Variants in CHMP2B observed in about 807,000 individuals in gnomAD.
The protein encoded by CHMP2B is charged multivesicular body protein 2B.
In CHMP2B, 22 loss-of-function variants were observed where a neutral mutation model predicts 29.8. The ratio of observed to expected loss-of-function variants is 0.74; its 90% CI spans 0.53 to 1.05. The LOEUF (loss-of-function observed/expected upper bound fraction) is 1.05. Ranked by LOEUF, CHMP2B falls within the 50% of genes least tolerant of loss-of-function variation. CHMP2B has a pLI of 0.00. For synonymous variants in CHMP2B, 78 were observed against 75.8 expected (o/e 1.03, Z -0.15); for missense variants, 261 against 252.2 (o/e 1.03, Z -0.24).
At chr3:87,227,705 T>C in intron 1 of CHMP2B, 149 bp downstream of exon 1, 1 of 1,011,594 alleles carries the variant, frequency 9.9e-7, no homozygotes. Flanking sequence ...ACCACTTCTC[T>C]GCCTCCCTCT....
At chr3:87,244,876 T>C (rs981747313) in intron 2 of CHMP2B, among the ~76,000 whole-genome samples, 2 of 152,234 alleles carry the variant, frequency 1.3e-5, no homozygotes, top group African/African-American at 4.8e-5. Context: ...GCAGATTTTC[T>C]GTCTACTTGT....
intron 1 of CHMP2B, chr3:87,240,365 C>T: frequency 5.2e-6 from 1 of 192,212 alleles, no homozygotes; most frequent in East Asian, 1.2e-4. Context: ...TGCTGGAGTG[C>T]AATGGCATGA....
Position 87,245,780 on chromosome 3 carries a change from C to T in CHMP2B, c.193C>T (p.Leu65Phe). The change falls in exon 3 of 6, where the codon CTT becomes TTT. Residue 65 changes from leucine (L) to phenylalanine (F), a missense_variant. Transcript: ENST00000263780. Reference sequence around the variant, plus strand: ...AGCTTGCAAAGTTTTAGCCAAACAACTTGTGCATCTACGGAAACAGAAGAC... The same window carrying T: ...AGCTTGCAAAGTTTTAGCCAAACAATTTGTGCATCTACGGAAACAGAAGAC... ...KEACKVLAKQ[L>F]VHLRKQKTRT... 1 of 1,613,828 alleles carries T rather than the reference C, an allele frequency of 6.2e-7. No homozygotes were observed.
intron 2 of CHMP2B, among the ~76,000 whole-genome samples, chr3:87,243,844 C>T (rs1276230762): frequency 6.6e-6 from 1 of 151,534 alleles, no homozygotes; most frequent in East Asian, 1.9e-4. Flanking sequence ...TTTGCATTCT[C>T]GGTATTTGTA....
chr3:87,253,421 GAC>G lies in CHMP2B; in HGVS notation c.444_445del (p.Ile149LeufsTer2), dbSNP rs942317217. 1 of 1,606,506 alleles carries G rather than the reference GAC, an allele frequency of 6.2e-7. No homozygotes were observed. ...TCCCCTAGTCAATGATACACTTGAT[GAC>G]ATCTTTGACGGTTCTGATGACGAAG... ...TEEMINDTLD[D>X]IFDGSDDEEE... On this transcript the variant is annotated frameshift_variant, in exon 5 of 6. Transcript: ENST00000263780. LOFTEE classifies it high-confidence loss of function.
chr3:87,233,427 T>G (rs1705940791), intron 1 of CHMP2B, among the ~76,000 whole-genome samples: 1 of 152,206 alleles, frequency 6.6e-6, no homozygotes, highest in African/African-American at 2.4e-5. Context: ...TGCCTTAGCT[T>G]TTGAGTTTGT....
At chr3:87,250,607 A>T (rs931447070) in intron 4 of CHMP2B, among the ~76,000 whole-genome samples, 1 of 151,972 alleles carries the variant, frequency 6.6e-6, no homozygotes, top group Non-Finnish European at 1.5e-5. Flanking sequence ...ACATAAGCAG[A>T]TACTCATGAC....
chr3:87,227,688 T>G, intron 1 of CHMP2B, 132 bp downstream of exon 1: 1 of 1,140,114 alleles, frequency 8.8e-7, no homozygotes, highest in South Asian at 1.2e-5. Context: ...GTGACCGCCC[T>G]CGCGGCACCA....
Position 87,253,286 on chromosome 3 carries a change from G to A in CHMP2B, c.425-118G>A, listed in dbSNP as rs747409983. ...ACATTTTGAAGGATTTTTTTAGTTTGTTCACTGAGTTTGCCTTCTGTAATA... is the reference window on the plus strand; with the variant it reads ...ACATTTTGAAGGATTTTTTTAGTTTATTCACTGAGTTTGCCTTCTGTAATA... On this transcript the variant is annotated intron_variant, in intron 4 of 5. Coordinates refer to ENST00000263780, the MANE Select transcript of CHMP2B (RefSeq NM_014043.4). The A allele has an allele frequency of 2.2e-4, 154 of 691,804 alleles. 1 individual carries two copies. The South Asian group carries it at 2.4e-3, about 11-fold the overall frequency. The allele number at this position is 691,804 out of a possible 1,614,324, so 42.9% of individuals were successfully genotyped here. A position where few individuals can be genotyped will look rare whatever the true frequency, so the allele number is the denominator to read the frequency against.
At chr3:87,232,386 T>G (rs1011009919) in intron 1 of CHMP2B, among the ~76,000 whole-genome samples, 1 of 152,194 alleles carries the variant, frequency 6.6e-6, no homozygotes, top group African/African-American at 2.4e-5. Context: ...ACTATTCTCA[T>G]GGTGGTACCT....
At chr3:87,253,645 C>T in intron 5 of CHMP2B, 67 bp from the exon 6 acceptor site, 1 of 1,405,724 alleles carries the variant, frequency 7.1e-7, no homozygotes, top group Non-Finnish European at 1.0e-6. Context: ...CTCTTTACAG[C>T]ACATCCTGTA....
intron 1 of CHMP2B, among the ~76,000 whole-genome samples, chr3:87,231,517 G>A (rs957944019): frequency 2.6e-5 from 4 of 152,086 alleles, no homozygotes; most frequent in Non-Finnish European, 5.9e-5. Context: ...GTATGTGATT[G>A]AAACTTGAAC....
chr3:87,243,391 TTTTG>T (rs1027554464), intron 2 of CHMP2B, among the ~76,000 whole-genome samples: 12 of 152,184 alleles, frequency 7.9e-5, no homozygotes, highest in Middle Eastern at 3.4e-3. Flanking sequence ...GGTGGGTTTT[TTTTG>T]TTTGTTTGTT....
intron 3 of CHMP2B, among the ~76,000 whole-genome samples, chr3:87,248,202 G>C (rs1023158816): frequency 6.6e-6 from 1 of 151,788 alleles, no homozygotes; most frequent in Admixed American, 6.6e-5. Flanking sequence ...GGAGGCTGAG[G>C]CAAGAGAATT....
chr3:87,249,639 G>T (rs1329023357), intron 3 of CHMP2B, among the ~76,000 whole-genome samples: 1 of 151,850 alleles, frequency 6.6e-6, no homozygotes, highest in Non-Finnish European at 1.5e-5. Context: ...ATAATTCCTT[G>T]CCTGCTGTTC....
intron 1 of CHMP2B, among the ~76,000 whole-genome samples, chr3:87,237,006 A>G (rs1431689123): frequency 2.0e-5 from 3 of 152,182 alleles, no homozygotes; most frequent in African/African-American, 4.8e-5. Flanking sequence ...TTTTCTATGG[A>G]AACAGTGGGG....
At chr3:87,246,790 T>C (rs1706221456) in intron 3 of CHMP2B, among the ~76,000 whole-genome samples, 1 of 152,186 alleles carries the variant, frequency 6.6e-6, no homozygotes, top group South Asian at 2.1e-4. Flanking sequence ...CTTGATACTG[T>C]TAGTCATCAA....
intron 2 of CHMP2B, 115 bp downstream of exon 2, chr3:87,240,905 T>C (rs2106902443): frequency 1.3e-6 from 1 of 764,990 alleles, no homozygotes; most frequent in East Asian, 2.6e-5. Flanking sequence ...ATTTACTTAA[T>C]TAAGAAATGG....
rs1314357072 is a variant in CHMP2B, at chr3:87,240,894, G to T, written c.126+104G>T. 4 of 818,440 alleles carry T rather than the reference G, an allele frequency of 4.9e-6. No individual in the cohort carries two copies. In the African/African-American group the frequency reaches 5.1e-5, roughly 10 times the overall value. 50.7% of individuals were successfully genotyped at this position (818,440 alleles called of 1,614,324 possible). On this transcript the variant is annotated intron_variant, in intron 2 of 5. Transcript: ENST00000263780. ...AGAAGGCACATGGCAGGTGGTAAGT[G>T]ATTTACTTAATTAAGAAATGGCAGT...
Sources: gnomAD v4.1 joint callset for allele counts (sites outside exome capture counted in the v4.1 genomes callset) on GRCh38, gnomAD v4.1.1 for gene constraint, MANE v1.5 for transcripts, NCBI Gene and HGNC (gene_info 2026-07-23, HGNC 2026-07-21) for gene names.